The following NOTCH1 variants were observed in gnomAD, a reference collection of about 807,000 sequenced individuals.
The protein encoded by NOTCH1 is neurogenic locus notch homolog protein 1.
In NOTCH1, 37 loss-of-function variants were observed where a neutral mutation model predicts 254.8. The observed-to-expected ratio is 0.15, with a 90% CI of 0.11 to 0.19. The LOEUF is 0.19. Among genes scored for constraint, NOTCH1 ranks in the 10% least tolerant of loss-of-function variants. The probability of loss-of-function intolerance (pLI) is 1.00; values close to 1 mark genes in which losing one functional copy is unlikely to be tolerated. For missense variants in NOTCH1, 2,972 were observed against 3,708.6 expected, an observed-to-expected ratio of 0.80 and a Z score of 5.16; for synonymous variants, 1,731 against 1,618.1, an observed-to-expected ratio of 1.07 and a Z score of -1.68.
Position 136,544,015 on chromosome 9 carries a change from G to T in NOTCH1, c.140+9C>A. The T allele has an allele frequency of 6.4e-7, 1 of 1,567,630 alleles. No individual in the cohort carries two copies. The highest frequency in any genetic ancestry group is 1.2e-5 in the South Asian group (1 of 85,352). ...ACAAAGCAACAGGTCCCGCAGGGGT[G>T]GTACTCACACGCAGGCCTCCGTGCC... is the stretch of plus-strand genomic sequence containing the variant. On this transcript the variant is annotated intron_variant, in intron 2 of 33. Transcript: ENST00000651671.
chr9:136,501,447 A>AAG (rs1842993873), intron 30 of NOTCH1, among the ~76,000 whole-genome samples: 2 of 118,924 alleles, frequency 1.7e-5, no homozygotes, highest in African/African-American at 6.2e-5. Context: ...AACAAAAAAA[A>AAG]AAGAAAAAAA....
At position 136,506,383 on chromosome 9, in the gene NOTCH1, T is replaced by TAAAAA; in HGVS notation, c.4014+139_4014+143dup. 1.6e-6 allele frequency: 1 copy of TAAAAA among 609,506 alleles called. No individual in the cohort carries two copies. Among genetic ancestry groups the TAAAAA allele is most frequent in the Non-Finnish European group, 2.8e-6 (1 of 356,464 alleles). The allele number at this position is 609,506 out of a possible 1,614,324, so 37.8% of individuals were successfully genotyped here. On this transcript the variant is annotated intron_variant, in intron 24 of 33. Coordinates refer to ENST00000651671, the MANE Select transcript of NOTCH1 (RefSeq NM_017617.5). The surrounding 1 kb of genome is among the most constrained non-coding windows in gnomAD (Gnocchi z 4.5). ...TGTCTCTAAAATCATTTATTGAAAC[T>TAAAAA]AAAAAAAAAAAAAAGACATCAGGGT...
At chr9:136,529,813 G>C (rs1426134330) in intron 2 of NOTCH1, among the ~76,000 whole-genome samples, 1 of 152,242 alleles carries the variant, frequency 6.6e-6, no homozygotes, top group African/African-American at 2.4e-5. Flanking sequence ...GCACCGAGGG[G>C]GCCAAGGGGC....
intron 2 of NOTCH1, among the ~76,000 whole-genome samples, chr9:136,538,024 G>C (rs756317037): frequency 7.9e-5 from 12 of 152,158 alleles, no homozygotes; most frequent in Admixed American, 1.3e-4. Context: ...AGGTTACAGT[G>C]AGCCAAGACT....
Position 136,500,680 on chromosome 9 carries a change from C to A in NOTCH1, c.5806G>T (p.Ala1936Ser), listed in dbSNP as rs997320046. The A allele has an allele frequency of 1.9e-6, 3 of 1,611,268 alleles. No homozygotes were observed. The highest frequency in any genetic ancestry group is 2.5e-6 in the Non-Finnish European group (3 of 1,179,914). ...GCGGCATCAGAGCGTGAGTAGCGGG[C>A]GGCCAGGTGCAAGGCGGTCTCGCCC... ...RTGETALHLA[A>S]RYSRSDAAKR... The change falls in exon 31 of 34, where the codon GCC becomes TCC. Residue 1936 changes from alanine to serine, a missense_variant. Transcript: ENST00000651671.
At chr9:136,507,505 C>T in intron 21 of NOTCH1, 68 bp from the exon 22 acceptor site, 1 of 1,549,920 alleles carries the variant, frequency 6.5e-7, no homozygotes. Context: ...TCCCACACCC[C>T]ACTGTGAGGG....
Position 136,504,812 on chromosome 9 carries a change from G to A in NOTCH1, c.4879C>T (p.Arg1627Cys), listed in dbSNP as rs1203442527. 5 of 1,565,708 alleles carry A rather than the reference G, an allele frequency of 3.2e-6. No individual in the cohort carries two copies. The highest frequency in any genetic ancestry group is 4.7e-5 in the East Asian group (2 of 42,622). ...FPYYGREEELRKHPIKRAAEG... is the reference protein window; with the variant it reads ...FPYYGREEELCKHPIKRAAEG... ...GCGGCACGCTTGATGGGGTGCTTGCGCAGCTCCTCCTCGCGGCCGTAGTAG... is the reference window on the plus strand; with the variant it reads ...GCGGCACGCTTGATGGGGTGCTTGCACAGCTCCTCCTCGCGGCCGTAGTAG... Residue 1627 changes from arginine (R) to cysteine (C), a missense_variant, in exon 26 of 34, where the codon CGC becomes TGC. Transcript: ENST00000651671.
rs1589059326 is a variant in NOTCH1, at chr9:136,506,244, T to C, written c.4014+283A>G. 6.6e-6 allele frequency among the ~76,000 whole-genome samples: 1 copy of C among 152,096 alleles called. No homozygotes were observed. Among genetic ancestry groups the C allele is most frequent in the East Asian group, 1.9e-4 (1 of 5,186 alleles). ...GGAAGGGCTGCTGTTGGTAACAATGTATCACTGAAATCCAGAGTGAAATTG... is the reference window on the plus strand; with the variant it reads ...GGAAGGGCTGCTGTTGGTAACAATGCATCACTGAAATCCAGAGTGAAATTG... On this transcript the variant is annotated intron_variant, in intron 24 of 33. Transcript: ENST00000651671. The surrounding 1 kb of genome is among the most constrained non-coding windows in gnomAD (Gnocchi z 4.5).
At position 136,515,974 on chromosome 9, in the gene NOTCH1, C is replaced by A. The variant is rs1843261979; in HGVS notation, c.1669+7G>T. On this transcript the variant is annotated splice_region_variant and intron_variant, in intron 10 of 33. Transcript: ENST00000651671. The stretch of plus-strand genomic sequence containing the variant: ...GTCCCTCCCCGCTGGTGGGCGCCAG[C>A]CCGCACCTTCCGTGCACACACAGGT... 1 of 1,604,916 alleles carries A rather than the reference C, an allele frequency of 6.2e-7. No homozygotes were observed. The highest frequency in any genetic ancestry group is 8.5e-7 in the Non-Finnish European group (1 of 1,175,704).
rs116085739 is a variant in NOTCH1, at chr9:136,524,499, C to T, written c.141-520G>A. Among the ~76,000 whole-genome samples, 620 of 152,306 alleles carry T rather than the reference C, an allele frequency of 4.1e-3. 4 individuals are homozygous for T. The highest frequency in any genetic ancestry group is 0.014 in the African/African-American group (577 of 41,554). On this transcript the variant is annotated intron_variant, in intron 2 of 33. Coordinates refer to ENST00000651671, the MANE Select transcript of NOTCH1 (RefSeq NM_017617.5). ...TCTGCAGGCCTATCTGCTTTTCTTC[C>T]CAGCTTTGCTAAAGCGAACAGGCAT... is the stretch of plus-strand genomic sequence containing the variant.
At position 136,513,038 on chromosome 9, in the gene NOTCH1, C is replaced by T; in HGVS notation, c.2450G>A (p.Cys817Tyr). Residue 817 changes from cysteine (C) to tyrosine (Y), a missense_variant, in exon 15 of 34, where the codon TGC becomes TAC. This residue lies in a region of NOTCH1 where 1,343 missense variants were observed against 1,557.0 expected (regional missense o/e 0.86). Transcript: ENST00000651671. The surrounding 1 kb of genome is among the most constrained non-coding windows in gnomAD (Gnocchi z 4.7). ...IDDVAGYKCN[C>Y]LLPYTGATCE... ...CCCCTCACCTGTGTAGGGCAGCAGGCAGTTGCACTTGTACCCGGCAACGTC... is the reference window on the plus strand; with the variant it reads ...CCCCTCACCTGTGTAGGGCAGCAGGTAGTTGCACTTGTACCCGGCAACGTC... The T allele has an allele frequency of 6.3e-7, 1 of 1,590,284 alleles. No individual in the cohort carries two copies. Among genetic ancestry groups the T allele is most frequent in the Non-Finnish European group, 8.6e-7 (1 of 1,166,906 alleles).
Position 136,523,700 on chromosome 9 carries a change from T to A in NOTCH1, c.403+17A>T, listed in dbSNP as rs544324440. The A allele has an allele frequency of 3.3e-5, 52 of 1,592,726 alleles. 1 individual carries two copies. The South Asian group carries it at 5.3e-4, about 16-fold the overall frequency. ...GCCTGGGTCTGCCCACCCCTCAGGC[T>A]GTGGGTCCTCCCTCACCTGACCAGC... On this transcript the variant is annotated intron_variant, in intron 3 of 33. Transcript: ENST00000651671.
intron 2 of NOTCH1, among the ~76,000 whole-genome samples, chr9:136,532,938 C>T (rs373485941): frequency 6.6e-6 from 1 of 152,360 alleles, no homozygotes; most frequent in African/African-American, 2.4e-5. Context: ...CACCTGCCTC[C>T]ACCTCCATTC....
intron 9 of NOTCH1, 44 bp from the exon 10 acceptor site, chr9:136,516,138 C>T (rs1294026055): frequency 1.4e-6 from 2 of 1,412,678 alleles, no homozygotes; most frequent in Non-Finnish European, 2.0e-6. Context: ...TGCAACAGCA[C>T]TATGGCCCTT....
chr9:136,518,473 G>GA, intron 6 of NOTCH1, 118 bp downstream of exon 6: 1 of 1,140,930 alleles, frequency 8.8e-7, no homozygotes, highest in Middle Eastern at 2.7e-4. Flanking sequence ...TCCCTGACCA[G>GA]AAAGGCCCTT....
At chr9:136,543,775 C>T in intron 2 of NOTCH1, 2 of 606,370 alleles carry the variant, frequency 3.3e-6, no homozygotes. Context: ...ACTTAGTGAC[C>T]CCGGAGCCTG....
rs757898668 is a variant in NOTCH1 at position 136,508,859 on chromosome 9, G to A, written c.3171+11C>T. The A allele has an allele frequency of 2.7e-5, 41 of 1,539,888 alleles. No homozygotes were observed. In the East Asian group the frequency reaches 8.4e-4, roughly 31 times the overall value. ...CCCTCCTTCGGGCACCTCTGTGGCC[G>A]GCGCACTCACCTGGCAGTTGGGGCC... On this transcript the variant is annotated intron_variant, in intron 19 of 33. Transcript: ENST00000651671.
intron 31 of NOTCH1, among the ~76,000 whole-genome samples, chr9:136,500,324 C>T (rs1842975973): frequency 6.6e-6 from 1 of 152,214 alleles, no homozygotes; most frequent in African/African-American, 2.4e-5. Flanking sequence ...TCCCCCAGGC[C>T]TCCTGCCAGA....
rs779496246 is a variant in NOTCH1, at chr9:136,506,514, C to T, written c.4014+13G>A. 1 of 1,575,300 alleles carries T rather than the reference C, an allele frequency of 6.3e-7. No individual in the cohort carries two copies. The highest frequency in any genetic ancestry group is 8.6e-7 in the Non-Finnish European group (1 of 1,161,300). ...CCTGGCGGGCCCCTGCCTCCCTGCA[C>T]CCCTGCACCTACCGCAGGGCACTTG... is the stretch of plus-strand genomic sequence containing the variant. On this transcript the variant is annotated intron_variant, in intron 24 of 33. Coordinates refer to ENST00000651671, the MANE Select transcript of NOTCH1 (RefSeq NM_017617.5). The surrounding 1 kb of genome is among the most constrained non-coding windows in gnomAD (Gnocchi z 4.5).
Sources: allele counts gnomAD v4.1 joint callset (sites outside exome capture counted in the v4.1 genomes callset), GRCh38; gene constraint gnomAD v4.1.1; regional missense constraint gnomAD v4.1.1; non-coding constraint Gnocchi (gnomAD v3.1); transcripts MANE v1.5; gene names NCBI Gene and HGNC (gene_info 2026-07-23, HGNC 2026-07-21).